Variants in ORC1 observed in about 807,000 individuals in gnomAD.
ORC1 encodes origin recognition complex subunit 1.
Under a neutral mutation model 98.9 loss-of-function variants are expected in ORC1, and 61 were observed. The observed-to-expected ratio is 0.62, with a 90% CI of 0.50 to 0.76. The LOEUF is 0.76. Among genes scored for constraint, ORC1 ranks in the 30% least tolerant of loss-of-function variants. ORC1 has a pLI of 0.00. For synonymous variants in ORC1, 385 were observed against 406.9 expected (o/e 0.95, Z 0.65); for missense variants, 979 against 1,072.2 (o/e 0.91, Z 1.21).
At chr1:52,388,685 TAAG>T (rs1203454057) in intron 7 of ORC1, 48 bp from the exon 8 acceptor site, 19 of 1,494,326 alleles carry the variant, frequency 1.3e-5, no homozygotes, top group South Asian at 4.5e-5. Flanking sequence ...CAAGTCTAAA[TAAG>T]AAGAACTCTA....
chr1:52,398,694 G>A (rs1647544712), intron 3 of ORC1, among the ~76,000 whole-genome samples: 1 of 152,036 alleles, frequency 6.6e-6, no homozygotes, highest in South Asian at 2.1e-4. Context: ...CCATTCTCCT[G>A]CCTCAGCCTC....
chr1:52,408,491 A>G (rs1458926145), upstream of ORC1: 4 of 1,583,676 alleles, frequency 2.5e-6, no homozygotes, highest in Non-Finnish European at 3.5e-6. Context: ...TTTATCCACT[A>G]CTGTCATGAG....
intron 6 of ORC1, among the ~76,000 whole-genome samples, chr1:52,391,674 G>A (rs1167644506): frequency 6.6e-6 from 1 of 152,164 alleles, no homozygotes; most frequent in African/African-American, 2.4e-5. Context: ...TGAGATGGGT[G>A]GATCACTTGA....
chr1:52,377,101 C>T (rs1647004245), intron 14 of ORC1, among the ~76,000 whole-genome samples: 1 of 152,170 alleles, frequency 6.6e-6, no homozygotes, highest in African/African-American at 2.4e-5. Flanking sequence ...CAGCTTACTG[C>T]AACCTCCACC....
intron 1 of ORC1, among the ~76,000 whole-genome samples, chr1:52,403,690 G>C (rs956913861): frequency 1.3e-5 from 2 of 152,102 alleles, no homozygotes; most frequent in African/African-American, 2.4e-5. Context: ...AGTAGGAAGG[G>C]GGCCACCAGA....
chr1:52,387,886 T>G (rs567201017), intron 8 of ORC1, among the ~76,000 whole-genome samples: 1 of 152,362 alleles, frequency 6.6e-6, no homozygotes, highest in East Asian at 1.9e-4. Context: ...TCTGTCAATT[T>G]AACTTTAATT....
In ORC1 at chr1:52,389,312, T is replaced by A; in HGVS notation, c.1092A>T (p.Lys364Asn). 1 of 1,613,902 alleles carries A rather than the reference T, an allele frequency of 6.2e-7. No individual in the cohort carries two copies. Among genetic ancestry groups the A allele is most frequent in the Non-Finnish European group, 8.5e-7 (1 of 1,179,782 alleles). ...KPENIKKRDA[K>N]EAKAQNEATS... ...TCGCTTCATTCTGGGCTTTTGCTTC[T>A]TTTGCATCCCTGCAAGAAACCACAG... Residue 364 changes from lysine to asparagine, a missense_variant, in exon 7 of 17, where the codon AAA becomes AAT. By Grantham distance (94) the Lys-to-Asn change is moderately conservative. Coordinates refer to ENST00000371568, the MANE Select transcript of ORC1 (RefSeq NM_004153.4).
upstream of ORC1, chr1:52,405,854 C>A (rs754620763): frequency 6.2e-7 from 1 of 1,610,338 alleles, no homozygotes; most frequent in Admixed American, 1.7e-5. Context: ...GTGCAATGTT[C>A]ACTAGCTAAT....
At position 52,389,282 on chromosome 1, in the gene ORC1, A is replaced by T. The variant is rs1360011988; in HGVS notation, c.1122T>A (p.Ser374=). ...KEAKAQNEAT[S]TPHRIRRKSS... ...TCTTTCTGCGGATACGATGGGGAGT[A>T]GAGGTCGCTTCATTCTGGGCTTTTG... The change falls in exon 7 of 17, where the codon TCT becomes TCA. Residue 374 remains serine (S), a synonymous_variant. Transcript: ENST00000371568. 1 of 1,614,224 alleles carries T rather than the reference A, an allele frequency of 6.2e-7. No homozygotes were observed. Among genetic ancestry groups the T allele is most frequent in the Non-Finnish European group, 8.5e-7 (1 of 1,180,022 alleles).
At chr1:52,381,536 T>C (rs988439733) in intron 14 of ORC1, 106 bp downstream of exon 14, 144 of 1,216,660 alleles carry the variant, frequency 1.2e-4, no homozygotes, top group Non-Finnish European at 1.6e-4. Flanking sequence ...TTTACACGAC[T>C]TTCTAAATTT....
upstream of ORC1, chr1:52,404,770 G>A: frequency 6.2e-7 from 1 of 1,614,090 alleles, no homozygotes; most frequent in Non-Finnish European, 8.5e-7. Context: ...GTACAGTGAA[G>A]GATGCGCACA....
At chr1:52,390,841 G>A (rs576660811) in intron 6 of ORC1, among the ~76,000 whole-genome samples, 10 of 148,470 alleles carry the variant, frequency 6.7e-5, no homozygotes, top group African/African-American at 2.2e-4. Flanking sequence ...GCAGTAATCC[G>A]AGATCGTGCC....
At chr1:52,407,248 A>G (rs538017268), upstream of ORC1, among the ~76,000 whole-genome samples, 2 of 152,248 alleles carry the variant, frequency 1.3e-5, no homozygotes, top group African/African-American at 4.8e-5. Flanking sequence ...CGATCTCCTG[A>G]CCCGGTGACC....
chr1:52,391,367 T>C (rs1647209049), intron 6 of ORC1, among the ~76,000 whole-genome samples: 1 of 150,186 alleles, frequency 6.7e-6, no homozygotes, highest in Admixed American at 6.6e-5. Context: ...CTTCTAGACA[T>C]TGTTAGGCAA....
In ORC1 at chr1:52,384,603, C is replaced by T. The variant is rs761089412; in HGVS notation, c.1702G>A (p.Val568Ile). The T allele has an allele frequency of 6.2e-7, 1 of 1,614,112 alleles. No homozygotes were observed. The highest frequency in any genetic ancestry group is 8.5e-7 in the Non-Finnish European group (1 of 1,179,970). ...NDVPPFQYIE[V>I]NGMKLTEPHQ... ...GGCTCCGTCAGCTTCATGCCATTGACCTCAATGTATTGAAAGGGAGGAACA... is the reference window on the plus strand; with the variant it reads ...GGCTCCGTCAGCTTCATGCCATTGATCTCAATGTATTGAAAGGGAGGAACA... The change falls in exon 11 of 17, where the codon GTC (valine) becomes ATC (isoleucine). Residue 568 changes from valine (V) to isoleucine (I), a missense_variant. Transcript: ENST00000371568.
At position 52,373,358 on chromosome 1, in the gene ORC1, C is replaced by T; in HGVS notation, c.2409G>A (p.Val803=). 1 of 1,613,974 alleles carries T rather than the reference C, an allele frequency of 6.2e-7. No individual in the cohort carries two copies. The highest frequency in any genetic ancestry group is 8.5e-7 in the Non-Finnish European group (1 of 1,179,894). ...ATFQQIYSQH[V]ALCRMEGLPY... is the part of the protein sequence containing the mutation. Reference sequence around the variant, plus strand: ...GCAGTCCCTCCATTCTGCACAGTGCCACATGTTGACTATATATCTAGACAC... The same window carrying T: ...GCAGTCCCTCCATTCTGCACAGTGCTACATGTTGACTATATATCTAGACAC... The change falls in exon 17 of 17, where the codon GTG becomes GTA. Residue 803 remains valine (V), a synonymous_variant. Coordinates refer to ENST00000371568, the MANE Select transcript of ORC1 (RefSeq NM_004153.4).
intron 5 of ORC1, among the ~76,000 whole-genome samples, chr1:52,395,167 G>C (rs1647336342): frequency 2.0e-5 from 3 of 152,200 alleles, no homozygotes; most frequent in African/African-American, 7.2e-5. Flanking sequence ...CAGAAAGGCT[G>C]TGGGGTGAGT....
chr1:52,391,186 G>A (rs1647205108), intron 6 of ORC1, among the ~76,000 whole-genome samples: 1 of 151,578 alleles, frequency 6.6e-6, no homozygotes, highest in Non-Finnish European at 1.5e-5. Context: ...GCTCGCGCTG[G>A]TAGTCCCAGC....
Position 52,372,905 on chromosome 1 carries a change from A to G in ORC1, c.*276T>C. 1 of 432,256 alleles carries G rather than the reference A, an allele frequency of 2.3e-6. No individual in the cohort carries two copies. The highest frequency in any genetic ancestry group is 4.3e-6 in the Non-Finnish European group (1 of 231,338). The allele number at this position is 432,256 out of a possible 1,614,324, so 26.8% of individuals were successfully genotyped here. On this transcript the variant is annotated 3_prime_UTR_variant, in exon 17 of 17. Transcript: ENST00000371568. ...TTTCCATTCAATATACTTTGTTACA[A>G]CAATTCCATGTACTTCCAAAATCAG...
Sources: allele counts gnomAD v4.1 joint callset (sites outside exome capture counted in the v4.1 genomes callset), GRCh38; gene constraint gnomAD v4.1.1; transcripts MANE v1.5; gene names NCBI Gene and HGNC (gene_info 2026-07-23, HGNC 2026-07-21).